The following CACNA1D variants were observed in gnomAD, a reference collection of about 807,000 sequenced individuals.
CACNA1D encodes the protein voltage-dependent L-type calcium channel subunit alpha-1D.
CACNA1D carries 55 observed loss-of-function variants against 257.1 expected under a neutral mutation model. That is an observed-to-expected ratio of 0.21 (90% confidence interval 0.17 to 0.27). The LOEUF (loss-of-function observed/expected upper bound fraction) is 0.27. Among genes scored for constraint, CACNA1D ranks in the 10% least tolerant of loss-of-function variants. CACNA1D has a pLI of 1.00. For synonymous variants in CACNA1D, 980 were observed against 1,014.9 expected (o/e 0.97, Z 0.65); for missense variants, 1,876 against 2,784.0 (o/e 0.67, Z 7.34).
chr3:53,614,407 G>A (rs1576093916), intron 3 of CACNA1D, among the ~76,000 whole-genome samples: 1 of 152,116 alleles, frequency 6.6e-6, no homozygotes, highest in African/African-American at 2.4e-5. Context: ...CACTGGAGGC[G>A]CTCCATTTAG....
chr3:53,587,795 G>C (rs756951382), intron 3 of CACNA1D, among the ~76,000 whole-genome samples: 8 of 152,202 alleles, frequency 5.3e-5, no homozygotes, highest in Non-Finnish European at 1.2e-4. Context: ...GCGGGTCCCA[G>C]AGAAGACCCT....
intron 19 of CACNA1D, among the ~76,000 whole-genome samples, chr3:53,733,832 G>T (rs894522205): frequency 2.0e-5 from 3 of 151,198 alleles, no homozygotes; most frequent in Admixed American, 2.0e-4. Flanking sequence ...TGTGATGGTA[G>T]CTTTTACAGC....
intron 9 of CACNA1D, among the ~76,000 whole-genome samples, chr3:53,715,027 A>C (rs1346172883): frequency 6.6e-6 from 1 of 152,170 alleles, no homozygotes; most frequent in African/African-American, 2.4e-5. Context: ...CTTTTCAAAT[A>C]TTTTTGGAAA....
rs2090299551 is a variant in CACNA1D, at chr3:53,495,376, G to C, written c.67+143G>C. 1 of 924,676 alleles carries C rather than the reference G, an allele frequency of 1.1e-6. No homozygotes were observed. The highest frequency in any genetic ancestry group is 1.6e-5 in the African/African-American group (1 of 61,826). The allele number at this position is 924,676 out of a possible 1,614,324, so 57.3% of individuals were successfully genotyped here. ...GCTCGGTGTCGTCTACACAGAGAGG[G>C]GACATGCGTGACAGCCACTCCGCGC... On this transcript the variant is annotated intron_variant, in intron 1 of 47. Transcript: ENST00000350061. The surrounding 1 kb of genome is among the most constrained non-coding windows in gnomAD (Gnocchi z 5.1).
chr3:53,703,302 G>A (rs753068132), intron 9 of CACNA1D, among the ~76,000 whole-genome samples: 6 of 152,188 alleles, frequency 3.9e-5, no homozygotes, highest in Non-Finnish European at 7.4e-5. Flanking sequence ...CAGGGGCTGG[G>A]AGGAAACCGG....
chr3:53,628,622 A>C (rs1294167004), intron 3 of CACNA1D, among the ~76,000 whole-genome samples: 1 of 152,342 alleles, frequency 6.6e-6, no homozygotes, highest in South Asian at 2.1e-4. Context: ...TCTTAAAAAA[A>C]ATCTCTAAGT....
At chr3:53,594,188 C>A (rs1016385530) in intron 3 of CACNA1D, among the ~76,000 whole-genome samples, 3 of 152,098 alleles carry the variant, frequency 2.0e-5, no homozygotes, top group African/African-American at 7.2e-5. Context: ...TTCGTCTTAG[C>A]GACAAAAGTT....
intron 27 of CACNA1D, among the ~76,000 whole-genome samples, chr3:53,750,385 C>T (rs2095214671): frequency 6.6e-6 from 1 of 152,166 alleles, no homozygotes. Context: ...GGAGTTTCCC[C>T]GGGTCCTCTA....
chr3:53,770,288 CTTT>C, intron 31 of CACNA1D, 133 bp from the exon 32 acceptor site: 1 of 916,640 alleles, frequency 1.1e-6, no homozygotes, highest in South Asian at 1.4e-5. Context: ...TCATATCATG[CTTT>C]TTAAGATGAA....
At chr3:53,689,488 G>C (rs982588379) in intron 8 of CACNA1D, among the ~76,000 whole-genome samples, 1 of 152,004 alleles carries the variant, frequency 6.6e-6, no homozygotes, top group East Asian at 1.9e-4. Context: ...GGGGCTGGGG[G>C]CTGCAGGGAT....
At chr3:53,663,963 A>C (rs1320016264) in intron 5 of CACNA1D, among the ~76,000 whole-genome samples, 1 of 152,088 alleles carries the variant, frequency 6.6e-6, no homozygotes. Context: ...ATGGGGTTTC[A>C]TCATGTTGGC....
chr3:53,704,513 A>G (rs1216702772), intron 9 of CACNA1D, among the ~76,000 whole-genome samples: 1 of 152,204 alleles, frequency 6.6e-6, no homozygotes, highest in Non-Finnish European at 1.5e-5. Context: ...CGATGTGCCT[A>G]TGAAGTGATC....
intron 3 of CACNA1D, among the ~76,000 whole-genome samples, chr3:53,561,974 T>C (rs1284429701): frequency 6.6e-6 from 1 of 152,206 alleles, no homozygotes; most frequent in African/African-American, 2.4e-5. Context: ...AACACAAAAT[T>C]AAAAAGCAGA....
chr3:53,736,615 G>A (rs1184717381), intron 20 of CACNA1D, among the ~76,000 whole-genome samples: 2 of 152,058 alleles, frequency 1.3e-5, no homozygotes, highest in Non-Finnish European at 2.9e-5. Context: ...TAATTGGCTG[G>A]GCGTGGTGGC....
intron 8 of CACNA1D, among the ~76,000 whole-genome samples, chr3:53,686,081 A>G (rs2094471332): frequency 6.6e-6 from 1 of 152,102 alleles, no homozygotes; most frequent in Admixed American, 6.5e-5. Flanking sequence ...TTAAAATAAT[A>G]AGAGAATAAA....
chr3:53,523,451 T>A (rs761555529), intron 3 of CACNA1D, among the ~76,000 whole-genome samples: 1 of 152,252 alleles, frequency 6.6e-6, no homozygotes, highest in Non-Finnish European at 1.5e-5. Flanking sequence ...GTCTGGGGAC[T>A]ATCTCAGACA....
rs1170482760 is a variant in CACNA1D, at chr3:53,730,512, T to A, written c.2292T>A (p.Ala764=). Residue 764 remains alanine, a synonymous_variant, in exon 16 of 48, where the codon GCT becomes GCA. Transcript: ENST00000350061. The stretch of plus-strand genomic sequence containing the variant: ...CTGATGCTGAAAGTCTGAACACTGC[T>A]CAGAAAGAAGAAGCGGAAGAAAAGG... The part of the protein sequence containing the change: ...NLADAESLNT[A]QKEEAEEKER... 4 of 1,614,094 alleles carry A rather than the reference T, an allele frequency of 2.5e-6. No individual in the cohort carries two copies. The highest frequency in any genetic ancestry group is 2.5e-6 in the Non-Finnish European group (3 of 1,179,938).
intron 9 of CACNA1D, among the ~76,000 whole-genome samples, chr3:53,708,918 T>C (rs573304922): frequency 1.1e-4 from 17 of 152,328 alleles, no homozygotes; most frequent in African/African-American, 4.1e-4. Flanking sequence ...CACTGAACCA[T>C]GTACCACAGA....
At chr3:53,731,200 C>A in intron 17 of CACNA1D, 54 bp downstream of exon 17, 2 of 1,092,866 alleles carry the variant, frequency 1.8e-6, no homozygotes, top group Non-Finnish European at 2.8e-6. Context: ...TCCTGTTGAT[C>A]TCCATACATG....
Sources: allele counts gnomAD v4.1 joint callset (sites outside exome capture counted in the v4.1 genomes callset), GRCh38; gene constraint gnomAD v4.1.1; non-coding constraint Gnocchi (gnomAD v3.1); transcripts MANE v1.5; gene names NCBI Gene and HGNC (gene_info 2026-07-23, HGNC 2026-07-21).